Variants in PPP3R1 observed in about 807,000 individuals in gnomAD.
PPP3R1 encodes the protein protein phosphatase 3 regulatory subunit B, alpha.
In PPP3R1, 5 loss-of-function variants were observed where a neutral mutation model predicts 22.6. The observed-to-expected ratio is 0.22, with a 90% CI of 0.12 to 0.46. The LOEUF (loss-of-function observed/expected upper bound fraction) is 0.46, where lower values mean the gene tolerates loss of function less well. PPP3R1 is among the 20% of genes least tolerant of loss of function. PPP3R1 has a pLI of 0.99. For missense variants in PPP3R1, 61 were observed against 203.2 expected (o/e 0.30, Z 4.25); for synonymous variants, 56 against 65.2 (o/e 0.86, Z 0.68).
In PPP3R1 at chr2:68,197,623, G is replaced by A. The variant is rs191129363; in HGVS notation, c.44-8933C>T. ...TAGCTCCACATCCTTGCTAACAAGT[G>A]GTATTGCCTATTTTTTCATATATTT... On this transcript the variant is annotated intron_variant, in intron 2 of 5. Transcript: ENST00000234310. 5.3e-5 allele frequency among the ~76,000 whole-genome samples: 8 copies of A among 152,036 alleles called. No individual in the cohort carries two copies. The East Asian group carries it at 1.5e-3, about 29-fold the overall frequency.
At chr2:68,209,585 T>C (rs543298613) in intron 2 of PPP3R1, among the ~76,000 whole-genome samples, 2 of 151,550 alleles carry the variant, frequency 1.3e-5, no homozygotes, top group Admixed American at 1.3e-4. Flanking sequence ...AAACCCGGAC[T>C]CTACAAAAAA....
chr2:68,206,266 T>A (rs1428658829), intron 2 of PPP3R1, among the ~76,000 whole-genome samples: 1 of 151,888 alleles, frequency 6.6e-6, no homozygotes, highest in East Asian at 1.9e-4. Context: ...CTTAACAAAG[T>A]AAGATCCTAG....
At chr2:68,188,794 G>A in intron 2 of PPP3R1, 104 bp from the exon 3 acceptor site, 1 of 959,296 alleles carries the variant, frequency 1.0e-6, no homozygotes, top group Non-Finnish European at 1.5e-6. Flanking sequence ...TAGTTATAGG[G>A]GGGAAAAAAA....
chr2:68,240,570 A>T (rs540139688), intron 1 of PPP3R1, among the ~76,000 whole-genome samples: 44 of 152,358 alleles, frequency 2.9e-4, no homozygotes, highest in African/African-American at 9.6e-4. Flanking sequence ...AAAAGAGTGT[A>T]ACATAGAACA....
intron 1 of PPP3R1, among the ~76,000 whole-genome samples, chr2:68,249,790 C>A (rs1439570813): frequency 6.6e-6 from 1 of 151,714 alleles, no homozygotes; most frequent in Non-Finnish European, 1.5e-5. Flanking sequence ...CAGAAAAGAT[C>A]CTTGAGAGTA....
rs200145582 is a variant in PPP3R1 at position 68,182,071 on chromosome 2, ACCC to A, written c.466-1064_466-1062del. 1.3e-3 allele frequency among the ~76,000 whole-genome samples: 52 copies of A among 38,618 alleles called. 1 individual carries two copies. Among genetic ancestry groups the A allele is most frequent in the East Asian group, 2.0e-3 (2 of 1,024 alleles). 25.3% of individuals were successfully genotyped at this position (38,618 alleles called of 152,430 possible). ...GTCACCAGACATCTCCCCTCCTCCA[ACCC>A]CCCCCTCCCCCCACCACACACACAC... On this transcript the variant is annotated intron_variant, in intron 5 of 5. Transcript: ENST00000234310.
At chr2:68,228,571 GT>G (rs1482199688) in intron 1 of PPP3R1, among the ~76,000 whole-genome samples, 2 of 152,018 alleles carry the variant, frequency 1.3e-5, no homozygotes, top group African/African-American at 4.8e-5. Context: ...CTTATTACTT[GT>G]CAGTCTTACT....
intron 1 of PPP3R1, among the ~76,000 whole-genome samples, chr2:68,237,418 C>G (rs1016418811): frequency 2.0e-5 from 3 of 152,002 alleles, no homozygotes; most frequent in Non-Finnish European, 2.9e-5. Flanking sequence ...CCTTCCAATT[C>G]CATAGCCCAA....
At chr2:68,197,501 G>A (rs1366686399) in intron 2 of PPP3R1, among the ~76,000 whole-genome samples, 12 of 151,670 alleles carry the variant, frequency 7.9e-5, no homozygotes. Flanking sequence ...CGTTTTCCTG[G>A]AATTGCTGGG....
At chr2:68,211,338 C>T (rs193088012) in intron 2 of PPP3R1, among the ~76,000 whole-genome samples, 3,127 of 137,402 alleles carry the variant, frequency 0.023, 122 homozygotes, top group African/African-American at 0.08. Context: ...ACCTGGGAGG[C>T]GGAGCTTGCA....
chr2:68,208,257 A>G (rs1317142483), intron 2 of PPP3R1, among the ~76,000 whole-genome samples: 1 of 152,220 alleles, frequency 6.6e-6, no homozygotes, highest in East Asian at 1.9e-4. Flanking sequence ...TATTCTGTAG[A>G]TAAGTTAACT....
At chr2:68,229,936 ATG>A (rs1321043715) in intron 1 of PPP3R1, among the ~76,000 whole-genome samples, 1 of 143,746 alleles carries the variant, frequency 7.0e-6, no homozygotes, top group Non-Finnish European at 1.5e-5. Context: ...ATGTGTGTGT[ATG>A]TGTGTATATA....
chr2:68,220,961 G>A (rs985888949), intron 1 of PPP3R1, among the ~76,000 whole-genome samples: 6 of 152,036 alleles, frequency 3.9e-5, no homozygotes, highest in African/African-American at 1.4e-4. Flanking sequence ...AAATATTTTC[G>A]AATGACATAG....
intron 2 of PPP3R1, among the ~76,000 whole-genome samples, chr2:68,212,672 A>G (rs773969799): frequency 6.6e-6 from 1 of 152,246 alleles, no homozygotes; most frequent in African/African-American, 2.4e-5. Context: ...GGCTTAAAAT[A>G]TTCAGTAAAC....
At chr2:68,247,971 G>A (rs1411469024) in intron 1 of PPP3R1, among the ~76,000 whole-genome samples, 2 of 152,026 alleles carry the variant, frequency 1.3e-5, no homozygotes, top group East Asian at 3.9e-4. Context: ...AAAAGTAAAT[G>A]AGACAATGTC....
chr2:68,232,221 A>ATG (rs1220116777), intron 1 of PPP3R1, among the ~76,000 whole-genome samples: 1 of 28,766 alleles, frequency 3.5e-5, no homozygotes, highest in Non-Finnish European at 5.2e-5. Context: ...GTATATGTAT[A>ATG]TATGTGTGTG....
chr2:68,194,807 T>C (rs1184058884), intron 2 of PPP3R1, among the ~76,000 whole-genome samples: 7 of 152,142 alleles, frequency 4.6e-5, no homozygotes, highest in East Asian at 1.9e-4. Context: ...TTTAGCCAAT[T>C]CCCAATAATT....
chr2:68,225,987 T>C lies in PPP3R1; in HGVS notation c.4-8856A>G, dbSNP rs544224469. Reference sequence around the variant, plus strand: ...AAACTGTTATATCCAGACAATGGAGTACTATTCGGTAATGAATAGGAAAAG... The same window carrying C: ...AAACTGTTATATCCAGACAATGGAGCACTATTCGGTAATGAATAGGAAAAG... On this transcript the variant is annotated intron_variant, in intron 1 of 5. Transcript: ENST00000234310. Among the ~76,000 whole-genome samples the C allele has an allele frequency of 2.6e-5, 4 of 152,238 alleles. No homozygotes were observed. In the South Asian group the frequency reaches 8.3e-4, roughly 32 times the overall value.
chr2:68,247,884 C>T (rs1431199518), intron 1 of PPP3R1, among the ~76,000 whole-genome samples: 1 of 152,192 alleles, frequency 6.6e-6, no homozygotes, highest in African/African-American at 2.4e-5. Flanking sequence ...ATATAAATTA[C>T]TATAATTATT....
Sources: allele counts gnomAD v4.1 joint callset (sites outside exome capture counted in the v4.1 genomes callset), GRCh38; gene constraint gnomAD v4.1.1; transcripts MANE v1.5; gene names NCBI Gene and HGNC (gene_info 2026-07-23, HGNC 2026-07-21).